Variants in STXBP6 observed in about 807,000 individuals in gnomAD.
The protein encoded by STXBP6 is syntaxin-binding protein 6.
In STXBP6, 21 loss-of-function variants were observed where a neutral mutation model predicts 26.9. That is an observed-to-expected ratio of 0.78 (90% CI 0.55 to 1.12). The LOEUF (loss-of-function observed/expected upper bound fraction) is 1.12, where lower values mean the gene tolerates loss of function less well. Ranked by LOEUF, STXBP6 falls within the 50% of genes most tolerant of loss-of-function variation. The pLI is 0.00. For missense variants in STXBP6, 232 were observed against 257.9 expected (o/e 0.90, Z 0.69); for synonymous variants, 97 against 92.6 (o/e 1.05, Z -0.27).
At chr14:25,002,918 G>C (rs2074799376) in intron 1 of STXBP6, among the ~76,000 whole-genome samples, 1 of 151,640 alleles carries the variant, frequency 6.6e-6, no homozygotes, top group South Asian at 2.1e-4. Context: ...GTGGAGACGG[G>C]GTTTCACCAT....
chr14:24,830,775 G>A (rs968189646), intron 4 of STXBP6, among the ~76,000 whole-genome samples: 3 of 152,044 alleles, frequency 2.0e-5, no homozygotes, highest in African/African-American at 4.8e-5. Context: ...GGAGCAACAC[G>A]AAAGAGAGAA....
chr14:24,837,605 A>G (rs2068656966), intron 4 of STXBP6, among the ~76,000 whole-genome samples: 1 of 152,218 alleles, frequency 6.6e-6, no homozygotes, highest in Non-Finnish European at 1.5e-5. Flanking sequence ...CTGAGTACAC[A>G]TAGAACACCT....
chr14:24,836,033 T>C (rs2068601152), intron 4 of STXBP6, among the ~76,000 whole-genome samples: 1 of 152,238 alleles, frequency 6.6e-6, no homozygotes, highest in South Asian at 2.1e-4. Context: ...AGCAGGGCAG[T>C]AGCTCTCACT....
intron 2 of STXBP6, among the ~76,000 whole-genome samples, chr14:24,907,670 A>G (rs2071431731): frequency 6.6e-6 from 1 of 152,200 alleles, no homozygotes; most frequent in Non-Finnish European, 1.5e-5. Context: ...TAAGCATTTA[A>G]AAAAATCTTA....
At chr14:24,829,559 A>T (rs542098288) in intron 4 of STXBP6, among the ~76,000 whole-genome samples, 24 of 152,186 alleles carry the variant, frequency 1.6e-4, no homozygotes, top group Non-Finnish European at 2.8e-4. Flanking sequence ...TGCCTCTGAG[A>T]CTTTGCAGAC....
rs535034278 is a variant in STXBP6, at chr14:24,953,528, G to A, written c.154+21137C>T. 5.3e-5 allele frequency among the ~76,000 whole-genome samples: 8 copies of A among 152,212 alleles called. No individual in the cohort carries two copies. The East Asian group carries it at 5.8e-4, about 11-fold the overall frequency. ...GGCTACCCTTTCCTGCTGCTCCCAC[G>A]CTTTCCGCATGTCCCCAGGAAACTC... is the stretch of plus-strand genomic sequence containing the variant. On this transcript the variant is annotated intron_variant, in intron 2 of 5. Transcript: ENST00000323944.
At chr14:24,981,615 G>A (rs2074194379) in intron 1 of STXBP6, among the ~76,000 whole-genome samples, 1 of 152,016 alleles carries the variant, frequency 6.6e-6, no homozygotes, top group South Asian at 2.1e-4. Context: ...ACACCCAATT[G>A]GTGCAAGGAT....
At chr14:24,918,458 AC>A in intron 2 of STXBP6, among the ~76,000 whole-genome samples, 1 of 108,708 alleles carries the variant, frequency 9.2e-6, no homozygotes, top group Non-Finnish European at 2.0e-5. Flanking sequence ...CCCACCACAC[AC>A]ACACACACAC....
chr14:25,021,960 T>C (rs961758443), intron 1 of STXBP6, among the ~76,000 whole-genome samples: 6 of 152,076 alleles, frequency 3.9e-5, no homozygotes, highest in East Asian at 1.9e-4. Flanking sequence ...AAGATGACAA[T>C]AGGGAGTGGT....
At chr14:24,943,112 C>T (rs1357605471) in intron 2 of STXBP6, among the ~76,000 whole-genome samples, 1 of 152,196 alleles carries the variant, frequency 6.6e-6, no homozygotes, top group Non-Finnish European at 1.5e-5. Flanking sequence ...AACCCTGATT[C>T]TGGCACTGGG....
At chr14:24,958,245 C>T (rs1189480650) in intron 2 of STXBP6, among the ~76,000 whole-genome samples, 1 of 152,046 alleles carries the variant, frequency 6.6e-6, no homozygotes, top group Non-Finnish European at 1.5e-5. Context: ...ATGCTCACTA[C>T]ATTGTATAAC....
intron 4 of STXBP6, among the ~76,000 whole-genome samples, chr14:24,842,842 A>G (rs1594945567): frequency 6.6e-6 from 1 of 152,218 alleles, no homozygotes; most frequent in East Asian, 1.9e-4. Context: ...TGTTATCTGC[A>G]TTACAGCTTA....
chr14:24,872,989 C>T (rs1595012179), intron 2 of STXBP6, among the ~76,000 whole-genome samples: 1 of 152,160 alleles, frequency 6.6e-6, no homozygotes. Flanking sequence ...GCAAATGGTT[C>T]GTCCTAAACT....
intron 1 of STXBP6, among the ~76,000 whole-genome samples, chr14:25,032,150 C>A (rs774345855): frequency 2.0e-5 from 3 of 152,146 alleles, no homozygotes; most frequent in Admixed American, 6.5e-5. Context: ...GACTGACCAG[C>A]CACTTTGCGC....
chr14:24,973,882 A>G (rs1287842761), intron 2 of STXBP6, among the ~76,000 whole-genome samples: 1 of 152,210 alleles, frequency 6.6e-6, no homozygotes, highest in Non-Finnish European at 1.5e-5. Context: ...TCCCAAAACT[A>G]CAATTGAAGG....
intron 1 of STXBP6, among the ~76,000 whole-genome samples, chr14:25,020,723 A>G (rs1027671897): frequency 2.0e-5 from 3 of 152,194 alleles, no homozygotes; most frequent in East Asian, 3.9e-4. Flanking sequence ...GGGCCTCATC[A>G]GAAGTGTCAC....
In STXBP6 at chr14:24,940,483, G is replaced by T. The variant is rs530010873; in HGVS notation, c.154+34182C>A. On this transcript the variant is annotated intron_variant, in intron 2 of 5. Transcript: ENST00000323944. ...TTCATTTTCCCTTTATCCTCAATCT[G>T]TCATCTGTACCTTTTTATTATTGCT... Among the ~76,000 whole-genome samples the T allele has an allele frequency of 7.2e-5, 11 of 152,228 alleles. No individual in the cohort carries two copies. In the South Asian group the frequency reaches 2.3e-3, roughly 32 times the overall value.
chr14:24,968,591 A>G (rs2073808273), intron 2 of STXBP6, among the ~76,000 whole-genome samples: 1 of 152,166 alleles, frequency 6.6e-6, no homozygotes, highest in South Asian at 2.1e-4. Flanking sequence ...AAGTGTTGAT[A>G]TTAACTACCT....
At chr14:24,899,046 A>G (rs2071106605) in intron 2 of STXBP6, among the ~76,000 whole-genome samples, 1 of 152,170 alleles carries the variant, frequency 6.6e-6, no homozygotes, top group Non-Finnish European at 1.5e-5. Context: ...CAACCCTCTA[A>G]TGCTGCCTTG....
Sources: allele counts gnomAD v4.1 joint callset (sites outside exome capture counted in the v4.1 genomes callset), GRCh38; gene constraint gnomAD v4.1.1; transcripts MANE v1.5; gene names NCBI Gene and HGNC (gene_info 2026-07-23, HGNC 2026-07-21).